Variants in KCNMB2 observed in about 807,000 individuals in gnomAD.
The protein encoded by KCNMB2 is calcium-activated potassium channel subunit beta-2.
Under a neutral mutation model 24.5 loss-of-function variants are expected in KCNMB2, and 9 were observed. The ratio of observed to expected loss-of-function variants is 0.37; its 90% CI spans 0.22 to 0.64. The LOEUF (loss-of-function observed/expected upper bound fraction) is 0.64. Among genes scored for constraint, KCNMB2 ranks in the 30% least tolerant of loss-of-function variants. The pLI is 0.63. For synonymous variants in KCNMB2, 109 were observed against 104.4 expected (o/e 1.04, Z -0.27); for missense variants, 226 against 284.3 (o/e 0.79, Z 1.47).
rs547963882 is a variant in KCNMB2 at position 178,828,641 on chromosome 3, A to C, written c.423+268A>C. Among the ~76,000 whole-genome samples, 3 of 152,286 alleles carry C rather than the reference A, an allele frequency of 2.0e-5. No homozygotes were observed. In the South Asian group the frequency reaches 6.2e-4, roughly 32 times the overall value. ...AAAGGGTAAATATTAATATATCTTT[A>C]CACAAATAGACTGAGTCTTTCAAAG... On this transcript the variant is annotated intron_variant, in intron 4 of 4. Transcript: ENST00000452583.
intron 1 of KCNMB2, among the ~76,000 whole-genome samples, chr3:178,587,119 G>A (rs1377882569): frequency 6.6e-6 from 1 of 151,892 alleles, no homozygotes; most frequent in Non-Finnish European, 1.5e-5. Flanking sequence ...AGAGGACATG[G>A]TTTGAACTCT....
chr3:178,581,940 G>A (rs897298806), intron 1 of KCNMB2, among the ~76,000 whole-genome samples: 4 of 152,204 alleles, frequency 2.6e-5, no homozygotes, highest in Non-Finnish European at 4.4e-5. Context: ...AACCATTGTG[G>A]AAGACAGTGT....
chr3:178,758,690 C>G (rs867240304), intron 1 of KCNMB2, among the ~76,000 whole-genome samples: 1 of 14,734 alleles, frequency 6.8e-5, no homozygotes, highest in East Asian at 1.2e-3. Flanking sequence ...ATATATATAT[C>G]TCTCTCTCTA....
chr3:178,789,309 A>G (rs1282383754), intron 1 of KCNMB2, among the ~76,000 whole-genome samples: 4 of 152,192 alleles, frequency 2.6e-5, no homozygotes, highest in South Asian at 2.1e-4. Flanking sequence ...GAGTCCATAC[A>G]TGGTTGCCCC....
At chr3:178,586,371 C>G (rs751602912) in intron 1 of KCNMB2, among the ~76,000 whole-genome samples, 4 of 151,954 alleles carry the variant, frequency 2.6e-5, no homozygotes, top group Non-Finnish European at 4.4e-5. Flanking sequence ...AAATCAAGCA[C>G]GTCAGGAAGT....
intron 1 of KCNMB2, among the ~76,000 whole-genome samples, chr3:178,590,048 G>A (rs2108498349): frequency 6.6e-6 from 1 of 152,232 alleles, no homozygotes; most frequent in Middle Eastern, 3.4e-3. Context: ...TAAAATTACT[G>A]GCCCAGAAGT....
intron 1 of KCNMB2, chr3:178,748,325 C>T (rs952551158): frequency 6.6e-6 from 1 of 152,152 alleles, no homozygotes; most frequent in Non-Finnish European, 1.5e-5. Context: ...TTTTCTCTTT[C>T]CCCTTATTGA....
intron 1 of KCNMB2, among the ~76,000 whole-genome samples, chr3:178,732,684 G>T (rs1553771623): frequency 6.6e-6 from 1 of 152,158 alleles, no homozygotes; most frequent in African/African-American, 2.4e-5. Context: ...TGAGTGCAAT[G>T]TTAATGAATC....
intron 1 of KCNMB2, among the ~76,000 whole-genome samples, chr3:178,568,912 ACTGAAC>A (rs1716668053): frequency 6.6e-6 from 1 of 151,918 alleles, no homozygotes; most frequent in Non-Finnish European, 1.5e-5. Context: ...GGATAGATAG[ACTGAAC>A]TAGGACCTTG....
In KCNMB2 at chr3:178,759,333, A is replaced by ATATATATATATC. The variant is rs1258621851; in HGVS notation, c.-67-48009_-67-48008insATATATATATCT. Among the ~76,000 whole-genome samples the ATATATATATATC allele has an allele frequency of 1.7e-3, 100 of 58,264 alleles. 37 individuals are homozygous for ATATATATATATC. Among genetic ancestry groups the ATATATATATATC allele is most frequent in the Admixed American group, 3.1e-3 (17 of 5,464 alleles). 38.2% of individuals were successfully genotyped at this position (58,264 alleles called of 152,430 possible). On this transcript the variant is annotated intron_variant, in intron 1 of 4. Coordinates refer to ENST00000452583, the MANE Select transcript of KCNMB2 (RefSeq NM_181361.3). ...TCCAAGAGGATATATATATATATAT[A>ATATATATATATC]TCTCCAAGAGGATATATATATATAT...
At chr3:178,801,091 G>A (rs950238400) in intron 1 of KCNMB2, among the ~76,000 whole-genome samples, 2 of 152,084 alleles carry the variant, frequency 1.3e-5, no homozygotes, top group Non-Finnish European at 2.9e-5. Flanking sequence ...ATAGTTGATA[G>A]AATGAATAAG....
At chr3:178,839,738 A>T (rs1715360393) in intron 4 of KCNMB2, among the ~76,000 whole-genome samples, 2 of 152,262 alleles carry the variant, frequency 1.3e-5, no homozygotes, top group African/African-American at 4.8e-5. Flanking sequence ...CTCACTCATT[A>T]TCATGAGAAC....
intron 1 of KCNMB2, among the ~76,000 whole-genome samples, chr3:178,684,826 C>T (rs982954434): frequency 2.0e-5 from 3 of 152,028 alleles, no homozygotes; most frequent in African/African-American, 4.8e-5. Context: ...AGCGAAACTC[C>T]GTCTCAAAAA....
At chr3:178,632,465 C>G (rs563280129) in intron 1 of KCNMB2, among the ~76,000 whole-genome samples, 2 of 152,290 alleles carry the variant, frequency 1.3e-5, no homozygotes, top group African/African-American at 4.8e-5. Flanking sequence ...ATATGTCCTT[C>G]TTCACATGGC....
chr3:178,708,030 G>C (rs1169370643), intron 1 of KCNMB2, among the ~76,000 whole-genome samples: 1 of 152,154 alleles, frequency 6.6e-6, no homozygotes, highest in East Asian at 1.9e-4. Flanking sequence ...GTTTGGAGCT[G>C]ACTGATTCAT....
intron 1 of KCNMB2, among the ~76,000 whole-genome samples, chr3:178,674,338 T>C (rs1560160256): frequency 1.3e-5 from 2 of 152,168 alleles, no homozygotes; most frequent in South Asian, 2.1e-4. Context: ...GTCATATATA[T>C]ATATATCTTT....
At chr3:178,547,409 A>T (rs1288578388) in intron 1 of KCNMB2, among the ~76,000 whole-genome samples, 2 of 152,242 alleles carry the variant, frequency 1.3e-5, no homozygotes, top group African/African-American at 4.8e-5. Flanking sequence ...GATGTCAAAG[A>T]TAACGCTATA....
chr3:178,671,132 A>T (rs551179889), intron 1 of KCNMB2, among the ~76,000 whole-genome samples: 1 of 142,194 alleles, frequency 7.0e-6, no homozygotes, highest in South Asian at 2.5e-4. Flanking sequence ...GTACAAACAC[A>T]CAGGCCTCAA....
chr3:178,778,464 A>ACACGCACGTGCGCGCGCGCGCGCGCG (rs1712683604), intron 1 of KCNMB2, among the ~76,000 whole-genome samples: 1 of 61,176 alleles, frequency 1.6e-5, no homozygotes, highest in Non-Finnish European at 3.7e-5. Context: ...AGACACACAC[A>ACACGCACGTGCGCGCGCGCGCGCGCG]CACACACACA....
Sources: gnomAD v4.1 joint callset for allele counts (sites outside exome capture counted in the v4.1 genomes callset) on GRCh38, gnomAD v4.1.1 for gene constraint, MANE v1.5 for transcripts, NCBI Gene and HGNC (gene_info 2026-07-23, HGNC 2026-07-21) for gene names.